Variants in ARHGAP22 observed in about 807,000 individuals in gnomAD.
ARHGAP22 encodes the protein Rho GTPase activating protein 22, also known as rho GTPase-activating protein 22.
ARHGAP22 carries 48 observed loss-of-function variants against 59.1 expected under a neutral mutation model. The ratio of observed to expected loss-of-function variants is 0.81; its 90% confidence interval spans 0.64 to 1.03. The LOEUF (loss-of-function observed/expected upper bound fraction) is 1.03. ARHGAP22 is among the 50% of genes least tolerant of loss of function. The probability of loss-of-function intolerance (pLI) is 0.00; values close to 1 mark genes in which losing one functional copy is unlikely to be tolerated. For synonymous variants in ARHGAP22, 445 were observed against 416.4 expected, an observed-to-expected ratio of 1.07 and a Z score of -0.84; for missense variants, 1,015 against 958.7, an observed-to-expected ratio of 1.06 and a Z score of -0.78.
intron 3 of ARHGAP22, among the ~76,000 whole-genome samples, chr10:48,505,675 G>A (rs1454661745): frequency 2.0e-5 from 3 of 152,194 alleles, no homozygotes; most frequent in Admixed American, 1.3e-4. Flanking sequence ...GGTGGATGGG[G>A]ATCCCCTGGG....
chr10:48,580,714 G>A (rs994566077), intron 2 of ARHGAP22, among the ~76,000 whole-genome samples: 1 of 152,174 alleles, frequency 6.6e-6, no homozygotes. Flanking sequence ...GGAAATGACT[G>A]TGGGGAACCA....
At chr10:48,481,285 T>C (rs2049293372) in intron 3 of ARHGAP22, among the ~76,000 whole-genome samples, 1 of 152,162 alleles carries the variant, frequency 6.6e-6, no homozygotes, top group South Asian at 2.1e-4. Flanking sequence ...ACAGCAGTGC[T>C]GCACAGCATT....
intron 2 of ARHGAP22, among the ~76,000 whole-genome samples, chr10:48,576,754 TTTTC>T (rs144471989): frequency 0.23 from 35,372 of 152,110 alleles, 4,815 homozygotes; most frequent in Non-Finnish European, 0.3. Context: ...ATGAGGTTTC[TTTTC>T]TATCTTTCTC....
intron 1 of ARHGAP22, among the ~76,000 whole-genome samples, chr10:48,645,274 A>G (rs2136184793): frequency 6.6e-6 from 1 of 152,346 alleles, no homozygotes; most frequent in East Asian, 1.9e-4. Context: ...CTATGAGGCC[A>G]GTATTACCTT....
At chr10:48,470,581 C>T (rs1272766579) in intron 4 of ARHGAP22, among the ~76,000 whole-genome samples, 1 of 152,244 alleles carries the variant, frequency 6.6e-6, no homozygotes, top group Non-Finnish European at 1.5e-5. Context: ...TGAGCCTGGA[C>T]AGGATCCAAG....
At position 48,450,739 on chromosome 10, in the gene ARHGAP22, C is replaced by G; in HGVS notation, c.1390G>C (p.Gly464Arg). ...CGGTGTCCGCGCAGGGAGGACAGCCCGTTCATAAGCCAGTTCCCGCCGGAG... is the reference window on the plus strand; with the variant it reads ...CGGTGTCCGCGCAGGGAGGACAGCCGGTTCATAAGCCAGTTCCCGCCGGAG... ...ISSGGNWLMN[G>R]LSSLRGHRRA... Residue 464 changes from glycine to arginine, a missense_variant, in exon 9 of 10, where the codon GGG (glycine) becomes CGG (arginine). Gly to Arg is a moderately radical substitution (Grantham distance 125). Coordinates refer to ENST00000249601, the MANE Select transcript of ARHGAP22 (RefSeq NM_021226.4). 1 of 1,559,140 alleles carries G rather than the reference C, an allele frequency of 6.4e-7. No individual in the cohort carries two copies. Among genetic ancestry groups the G allele is most frequent in the East Asian group, 2.4e-5 (1 of 41,756 alleles).
chr10:48,641,124 T>G (rs1281018605), intron 1 of ARHGAP22, among the ~76,000 whole-genome samples: 1 of 151,458 alleles, frequency 6.6e-6, no homozygotes, highest in African/African-American at 2.4e-5. Flanking sequence ...AATAGAAAAA[T>G]TAAAATGGTA....
chr10:48,581,253 C>G (rs1392671996), intron 2 of ARHGAP22, among the ~76,000 whole-genome samples: 1 of 152,214 alleles, frequency 6.6e-6, no homozygotes, highest in Non-Finnish European at 1.5e-5. Flanking sequence ...CATAAACAGA[C>G]CTGACTGGGA....
At chr10:48,473,906 G>C (rs1235184615) in intron 4 of ARHGAP22, among the ~76,000 whole-genome samples, 1 of 152,208 alleles carries the variant, frequency 6.6e-6, no homozygotes, top group Non-Finnish European at 1.5e-5. Context: ...TGCCGAGGCA[G>C]CCCTGGGGAC....
At chr10:48,460,755 C>G (rs532115379) in intron 4 of ARHGAP22, among the ~76,000 whole-genome samples, 1 of 142,528 alleles carries the variant, frequency 7.0e-6, no homozygotes, top group Non-Finnish European at 1.6e-5. Flanking sequence ...AGTACCAAGA[C>G]GTGGTATTTG....
At chr10:48,527,606 TA>T (rs1831351572) in intron 3 of ARHGAP22, among the ~76,000 whole-genome samples, 2 of 152,298 alleles carry the variant, frequency 1.3e-5, no homozygotes, top group African/African-American at 4.8e-5. Flanking sequence ...AATGGTTAAA[TA>T]AACAGAAGAA....
chr10:48,613,187 G>T (rs555389328), intron 1 of ARHGAP22, among the ~76,000 whole-genome samples: 1 of 152,114 alleles, frequency 6.6e-6, no homozygotes, highest in Non-Finnish European at 1.5e-5. Flanking sequence ...AGGCTCTCTT[G>T]TGTGTCACAT....
intron 2 of ARHGAP22, among the ~76,000 whole-genome samples, chr10:48,559,541 T>G (rs1245923558): frequency 6.6e-6 from 1 of 152,206 alleles, no homozygotes; most frequent in African/African-American, 2.4e-5. Flanking sequence ...CAAAAAGTCT[T>G]TATCAAATTA....
downstream of ARHGAP22, among the ~76,000 whole-genome samples, chr10:48,442,254 C>T (rs543305505): frequency 6.6e-6 from 1 of 152,334 alleles, no homozygotes; most frequent in East Asian, 1.9e-4. Context: ...TGTGGGAAGC[C>T]TAATGTCACC....
intron 1 of ARHGAP22, among the ~76,000 whole-genome samples, chr10:48,622,610 TAGAC>T (rs1217826267): frequency 6.6e-6 from 1 of 152,198 alleles, no homozygotes; most frequent in Non-Finnish European, 1.5e-5. Context: ...GTTTTGGAAT[TAGAC>T]AGCCCTGGGA....
At chr10:48,457,932 A>C in intron 5 of ARHGAP22, among the ~76,000 whole-genome samples, 3 of 4,062 alleles carry the variant, frequency 7.4e-4, no homozygotes, top group Non-Finnish European at 4.3e-4. Flanking sequence ...GGGGGTGGGT[A>C]GGGAGGGGGG....
intron 1 of ARHGAP22, among the ~76,000 whole-genome samples, chr10:48,616,599 T>C (rs546589688): frequency 1.5e-3 from 231 of 152,266 alleles, no homozygotes; most frequent in Non-Finnish European, 2.5e-3. Context: ...ATAAATGACT[T>C]GTCATACACA....
chr10:48,562,728 T>C (rs891448600), intron 2 of ARHGAP22, among the ~76,000 whole-genome samples: 2 of 152,216 alleles, frequency 1.3e-5, no homozygotes, highest in African/African-American at 4.8e-5. Context: ...GTGTCACAGA[T>C]GCACATCTAT....
chr10:48,575,399 A>T (rs956309354), intron 2 of ARHGAP22: 2 of 152,214 alleles, frequency 1.3e-5, no homozygotes, highest in South Asian at 2.1e-4. Flanking sequence ...GGAAATGAAG[A>T]TTCCCTGCAG....
Sources: allele counts gnomAD v4.1 joint callset (sites outside exome capture counted in the v4.1 genomes callset), GRCh38; gene constraint gnomAD v4.1.1; transcripts MANE v1.5; gene names NCBI Gene and HGNC (gene_info 2026-07-23, HGNC 2026-07-21).